Variants in OSBPL10 observed in about 807,000 individuals in gnomAD.
OSBPL10 encodes oxysterol binding protein like 10, also known as oxysterol-binding protein-related protein 10.
In OSBPL10, 49 loss-of-function variants were observed where a neutral mutation model predicts 81.7. The ratio of observed to expected loss-of-function variants is 0.60; its 90% CI spans 0.48 to 0.76. The LOEUF (loss-of-function observed/expected upper bound fraction) is 0.76. Among genes scored for constraint, OSBPL10 ranks in the 30% least tolerant of loss-of-function variants. OSBPL10 has a pLI of 0.00. For missense variants in OSBPL10, 923 were observed against 987.8 expected (o/e 0.93, Z 0.88); for synonymous variants, 419 against 383.6 (o/e 1.09, Z -1.08).
chr3:31,902,701 T>C (rs1575607227), intron 1 of OSBPL10, among the ~76,000 whole-genome samples: 1 of 152,310 alleles, frequency 6.6e-6, no homozygotes, highest in Admixed American at 6.5e-5. Flanking sequence ...TAGCTGGGAC[T>C]ACAGGCACCC....
chr3:31,973,386 T>C (rs560350293), intron 1 of OSBPL10, among the ~76,000 whole-genome samples: 1 of 152,330 alleles, frequency 6.6e-6, no homozygotes, highest in East Asian at 1.9e-4. Context: ...TCCAGAAAGC[T>C]AGTCACTAGT....
At chr3:31,942,399 G>T (rs1697562231) in intron 1 of OSBPL10, among the ~76,000 whole-genome samples, 1 of 98,962 alleles carries the variant, frequency 1.0e-5, no homozygotes, top group Admixed American at 9.3e-5. Context: ...AAAATTAGCT[G>T]GGTGGCGGGC....
chr3:31,882,980 G>A (rs182444204), intron 1 of OSBPL10, among the ~76,000 whole-genome samples: 36 of 152,198 alleles, frequency 2.4e-4, no homozygotes, highest in African/African-American at 8.2e-4. Flanking sequence ...GAAGAACCAG[G>A]GTAACTTCTG....
intron 4 of OSBPL10, among the ~76,000 whole-genome samples, chr3:31,787,826 T>C (rs576123326): frequency 4.9e-4 from 74 of 152,284 alleles, no homozygotes; most frequent in Middle Eastern, 3.4e-3. Context: ...AAAATAAGGA[T>C]TTTAAATGGC....
chr3:31,920,393 G>A (rs1341227193), intron 1 of OSBPL10, among the ~76,000 whole-genome samples: 20 of 152,150 alleles, frequency 1.3e-4, no homozygotes, highest in Admixed American at 1.3e-3. Context: ...ACAAATGTAG[G>A]AAACAACCTT....
At position 31,845,680 on chromosome 3, in the gene OSBPL10, T is replaced by G. The variant is rs150286022; in HGVS notation, c.538-15449A>C. 7.9e-5 allele frequency among the ~76,000 whole-genome samples: 12 copies of G among 152,156 alleles called. No individual in the cohort carries two copies. In the East Asian group the frequency reaches 2.3e-3, roughly 29 times the overall value. ...AAGCATGAGCCCCAGACAGCACACA[T>G]TATAAAGAGAAAAAAGGCAAAAAGC... is the stretch of plus-strand genomic sequence containing the variant. On this transcript the variant is annotated intron_variant, in intron 3 of 11. Transcript: ENST00000396556.
intron 1 of OSBPL10, among the ~76,000 whole-genome samples, chr3:31,924,217 T>TAAA (rs34813837): frequency 1.5e-5 from 2 of 129,106 alleles, no homozygotes; most frequent in African/African-American, 5.7e-5. Flanking sequence ...AGACTTCATC[T>TAAA]AAAAAAAAAA....
intron 3 of OSBPL10, among the ~76,000 whole-genome samples, chr3:31,857,940 C>T (rs915350299): frequency 6.6e-6 from 1 of 150,738 alleles, no homozygotes; most frequent in Admixed American, 6.6e-5. Flanking sequence ...GTGTGTCTCT[C>T]CCGTTTTTGT....
At chr3:31,932,215 A>T (rs563245731) in intron 1 of OSBPL10, among the ~76,000 whole-genome samples, 10 of 152,344 alleles carry the variant, frequency 6.6e-5, no homozygotes, top group South Asian at 4.1e-4. Context: ...TTTGCCAATG[A>T]TAAGTTTATG....
chr3:31,965,827 A>AAATATATAATATATATTATCTAT (rs1698369588), intron 1 of OSBPL10, among the ~76,000 whole-genome samples: 1 of 85,750 alleles, frequency 1.2e-5, no homozygotes, highest in South Asian at 3.2e-4. Flanking sequence ...ATATTATATA[A>AAATATATAATATATATTATCTAT]ATATATAATA....
intron 3 of OSBPL10, among the ~76,000 whole-genome samples, chr3:31,854,951 G>A (rs1286543602): frequency 2.0e-5 from 3 of 152,148 alleles, no homozygotes; most frequent in Non-Finnish European, 4.4e-5. Context: ...TTAATTCCAT[G>A]TCAGTGTAAA....
upstream of OSBPL10, among the ~76,000 whole-genome samples, chr3:31,985,873 A>G (rs911651592): frequency 1.3e-5 from 2 of 152,262 alleles, no homozygotes; most frequent in African/African-American, 4.8e-5. Context: ...CCACATGAGG[A>G]GATCTACAGT....
At chr3:31,958,351 A>G (rs1446226694) in intron 1 of OSBPL10, among the ~76,000 whole-genome samples, 2 of 152,228 alleles carry the variant, frequency 1.3e-5, no homozygotes, top group African/African-American at 4.8e-5. Flanking sequence ...CCTTAAAAAT[A>G]TCTTCTCTGA....
At chr3:31,664,586 A>G (rs1425072453) in intron 10 of OSBPL10, 5 of 341,844 alleles carry the variant, frequency 1.5e-5, no homozygotes, top group Non-Finnish European at 2.2e-5. Context: ...ACATACATAA[A>G]CCTCTTTAAT....
At chr3:31,965,459 T>TATATGTTATATAATATATAATG (rs71068019) in intron 1 of OSBPL10, among the ~76,000 whole-genome samples, 6 of 69,944 alleles carry the variant, frequency 8.6e-5, no homozygotes, top group African/African-American at 4.2e-4. Flanking sequence ...TAATATATAA[T>TATATGTTATATAATATATAATG]TTATATAATA....
At chr3:31,939,972 C>T (rs537410128) in intron 1 of OSBPL10, among the ~76,000 whole-genome samples, 66 of 152,264 alleles carry the variant, frequency 4.3e-4, no homozygotes, top group Non-Finnish European at 5.9e-5. Flanking sequence ...CCTCCTACCT[C>T]GGCCTCCCAA....
At chr3:31,992,048 A>G (rs1699037968) in intron 2 of OSBPL10, among the ~76,000 whole-genome samples, 1 of 151,628 alleles carries the variant, frequency 6.6e-6, no homozygotes, top group Non-Finnish European at 1.5e-5. Context: ...GGGGAGGCTG[A>G]GGCAGGAGAA....
chr3:31,768,293 G>A (rs1698262616), intron 4 of OSBPL10, among the ~76,000 whole-genome samples: 1 of 152,106 alleles, frequency 6.6e-6, no homozygotes, highest in African/African-American at 2.4e-5. Flanking sequence ...TTTATCAGGG[G>A]AGGTTTTTGC....
chr3:31,944,699 C>A (rs1454402774), intron 1 of OSBPL10, among the ~76,000 whole-genome samples: 1 of 151,952 alleles, frequency 6.6e-6, no homozygotes, highest in Non-Finnish European at 1.5e-5. Context: ...TTGGAGACAC[C>A]TTCTTCCCAG....
Sources: gnomAD v4.1 joint callset for allele counts (sites outside exome capture counted in the v4.1 genomes callset) on GRCh38, gnomAD v4.1.1 for gene constraint, MANE v1.5 for transcripts, NCBI Gene and HGNC (gene_info 2026-07-23, HGNC 2026-07-21) for gene names.